Variants in NKAIN2 observed in about 807,000 individuals in gnomAD.
The protein encoded by NKAIN2 is sodium/potassium transporting ATPase interacting 2.
A neutral mutation model predicts 32.6 loss-of-function variants in NKAIN2; 14 were observed. The ratio of observed to expected loss-of-function variants is 0.43; its 90% CI spans 0.28 to 0.67. The LOEUF (loss-of-function observed/expected upper bound fraction) is 0.67, where lower values mean the gene tolerates loss of function less well. Among genes scored for constraint, NKAIN2 ranks in the 30% least tolerant of loss-of-function variants. The probability of loss-of-function intolerance (pLI) is 0.17; values close to 1 mark genes in which losing one functional copy is unlikely to be tolerated. For synonymous variants in NKAIN2, 80 were observed against 87.2 expected, an observed-to-expected ratio of 0.92 and a Z score of 0.46; for missense variants, 198 against 258.3, an observed-to-expected ratio of 0.77 and a Z score of 1.60.
chr6:123,951,204 A>T (rs1777310212), intron 1 of NKAIN2, among the ~76,000 whole-genome samples: 1 of 152,042 alleles, frequency 6.6e-6, no homozygotes, highest in East Asian at 1.9e-4. Flanking sequence ...AGAATGTCTT[A>T]TGTGCTAATG....
chr6:123,930,780 G>GT (rs1776219503), intron 1 of NKAIN2, among the ~76,000 whole-genome samples: 1 of 152,154 alleles, frequency 6.6e-6, no homozygotes, highest in African/African-American at 2.4e-5. Flanking sequence ...CAGAGTAAGT[G>GT]TAAGATGTCC....
chr6:123,939,930 A>G (rs535017803), intron 1 of NKAIN2, among the ~76,000 whole-genome samples: 1 of 152,138 alleles, frequency 6.6e-6, no homozygotes, highest in South Asian at 2.1e-4. Context: ...ATTTGCAAGA[A>G]GAAACCTGGA....
chr6:124,247,592 G>A (rs1182133491), intron 1 of NKAIN2, among the ~76,000 whole-genome samples: 2 of 152,070 alleles, frequency 1.3e-5, no homozygotes, highest in South Asian at 2.1e-4. Flanking sequence ...GGAAGTGACA[G>A]GACAATGGCT....
chr6:124,297,917 T>C (rs575092217), intron 2 of NKAIN2, among the ~76,000 whole-genome samples: 66 of 152,288 alleles, frequency 4.3e-4, no homozygotes, highest in Non-Finnish European at 8.7e-4. Flanking sequence ...TGTTAATGCA[T>C]CTGCTTTTAT....
chr6:124,023,277 T>C (rs1370575465), intron 1 of NKAIN2, among the ~76,000 whole-genome samples: 2 of 151,962 alleles, frequency 1.3e-5, no homozygotes, highest in Non-Finnish European at 2.9e-5. Flanking sequence ...GGTATATTCA[T>C]GTGTCTACAC....
chr6:124,079,114 G>A (rs1783832622), intron 1 of NKAIN2, among the ~76,000 whole-genome samples: 1 of 152,054 alleles, frequency 6.6e-6, no homozygotes, highest in South Asian at 2.1e-4. Flanking sequence ...TTGAGGTCAG[G>A]AGTTTGAGAC....
chr6:124,477,466 C>A (rs148635403), intron 3 of NKAIN2, among the ~76,000 whole-genome samples: 1 of 152,186 alleles, frequency 6.6e-6, no homozygotes, highest in Non-Finnish European at 1.5e-5. Context: ...CTTTGTGTCA[C>A]CTGTGAGAAC....
At chr6:124,049,783 T>C (rs1031484281) in intron 1 of NKAIN2, among the ~76,000 whole-genome samples, 1 of 151,964 alleles carries the variant, frequency 6.6e-6, no homozygotes, top group African/African-American at 2.4e-5. Flanking sequence ...TGCTCAAGGA[T>C]CAACTGTCAT....
In NKAIN2 at chr6:124,219,360, C is replaced by T. The variant is rs565247982; in HGVS notation, c.55-63645C>T. Among the ~76,000 whole-genome samples the T allele has an allele frequency of 3.3e-5, 5 of 151,198 alleles. No individual in the cohort carries two copies. In the South Asian group the frequency reaches 1.0e-3, roughly 32 times the overall value. On this transcript the variant is annotated intron_variant, in intron 1 of 6. Transcript: ENST00000368417. ...TGGTGCGATCTCGGCTCACTGCAAC[C>T]TCCGCCTCCTGGGTTTAAGTGATTC...
intron 3 of NKAIN2, among the ~76,000 whole-genome samples, chr6:124,476,468 C>A (rs1777221642): frequency 6.7e-6 from 1 of 148,638 alleles, no homozygotes; most frequent in Non-Finnish European, 1.5e-5. Flanking sequence ...TATACTTTTC[C>A]AATTTTTGAC....
chr6:124,394,685 C>T (rs1003895115), intron 3 of NKAIN2, among the ~76,000 whole-genome samples: 19 of 151,420 alleles, frequency 1.3e-4, no homozygotes, highest in Non-Finnish European at 1.6e-4. Context: ...CCCAGGTCAG[C>T]GGTCAGAAGG....
At chr6:124,411,554 G>C (rs1220985276) in intron 3 of NKAIN2, among the ~76,000 whole-genome samples, 11 of 152,204 alleles carry the variant, frequency 7.2e-5, no homozygotes, top group Non-Finnish European at 2.9e-5. Flanking sequence ...GAGATCAGCT[G>C]TTAGTCTGAT....
intron 1 of NKAIN2, among the ~76,000 whole-genome samples, chr6:123,892,168 A>C (rs936069697): frequency 1.3e-5 from 2 of 152,210 alleles, no homozygotes; most frequent in African/African-American, 4.8e-5. Context: ...GAACACAGGC[A>C]GGTCAAACTG....
chr6:124,733,138 T>C (rs1251588315), intron 4 of NKAIN2, among the ~76,000 whole-genome samples: 1 of 151,694 alleles, frequency 6.6e-6, no homozygotes, highest in Non-Finnish European at 1.5e-5. Context: ...AAAATATCAG[T>C]GGTTATCAGG....
In NKAIN2 at chr6:124,800,369, C is replaced by G. The variant is rs752338775; in HGVS notation, c.535+8970C>G. On this transcript the variant is annotated intron_variant, in intron 5 of 6. Transcript: ENST00000368417. ...CTACACCTAGCTACTGAAAGAGAGCCTTGGAAATAAGTGAGCTGGAGGCAA... is the reference window on the plus strand; with the variant it reads ...CTACACCTAGCTACTGAAAGAGAGCGTTGGAAATAAGTGAGCTGGAGGCAA... 7.2e-5 allele frequency among the ~76,000 whole-genome samples: 11 copies of G among 152,214 alleles called. No individual in the cohort carries two copies. The South Asian group carries it at 1.5e-3, about 20-fold the overall frequency.
At chr6:124,543,158 T>A (rs749112936) in intron 3 of NKAIN2, among the ~76,000 whole-genome samples, 8 of 152,172 alleles carry the variant, frequency 5.3e-5, no homozygotes, top group Non-Finnish European at 7.4e-5. Flanking sequence ...TTAATAAAAT[T>A]TAAGTGGTAT....
rs1795233246 is a variant in NKAIN2, at chr6:124,280,324, G to A, written c.55-2681G>A. Among the ~76,000 whole-genome samples the A allele has an allele frequency of 2.0e-5, 3 of 152,240 alleles. No homozygotes were observed. The South Asian group carries it at 6.2e-4, about 32-fold the overall frequency. On this transcript the variant is annotated intron_variant, in intron 1 of 6. Coordinates refer to ENST00000368417, the MANE Select transcript of NKAIN2 (RefSeq NM_001040214.3). ...ACAAGTATGATCAGAGAGATTCTAT[G>A]AAGTAGCATATATTATATAATCAGC...
chr6:124,474,084 G>C (rs925130116), intron 3 of NKAIN2, among the ~76,000 whole-genome samples: 1 of 144,904 alleles, frequency 6.9e-6, no homozygotes, highest in African/African-American at 2.6e-5. Context: ...AAATATTTAT[G>C]CTTCAGATTT....
intron 3 of NKAIN2, among the ~76,000 whole-genome samples, chr6:124,558,136 CT>C (rs779580622): frequency 1.4e-4 from 22 of 152,156 alleles, no homozygotes; most frequent in South Asian, 2.1e-4. Context: ...GTGATAGCAG[CT>C]AGATGGGGGA....
Sources: allele counts gnomAD v4.1 joint callset (sites outside exome capture counted in the v4.1 genomes callset), GRCh38; gene constraint gnomAD v4.1.1; transcripts MANE v1.5; gene names NCBI Gene and HGNC (gene_info 2026-07-23, HGNC 2026-07-21).